TASP1: variants seen among roughly 807,000 people sequenced by gnomAD.
TASP1 encodes threonine aspartase 1.
Under a neutral mutation model 56.6 loss-of-function variants are expected in TASP1, and 16 were observed. The ratio of observed to expected loss-of-function variants is 0.28; its 90% CI spans 0.19 to 0.43. The LOEUF is 0.43. TASP1 is among the 20% of genes least tolerant of loss of function. The pLI is 1.00. For synonymous variants in TASP1, 179 were observed against 184.2 expected, an observed-to-expected ratio of 0.97 and a Z score of 0.23; for missense variants, 393 against 511.6, an observed-to-expected ratio of 0.77 and a Z score of 2.24.
chr20:13,629,852 A>C, intron 2 of TASP1, 82 bp downstream of exon 2: 1 of 1,589,698 alleles, frequency 6.3e-7, no homozygotes, highest in Admixed American at 1.8e-5. Context: ...TCCAAGTGTG[A>C]AATGTGATTC....
chr20:13,286,728 A>G, the TASP1 span, among the ~76,000 whole-genome samples: 2 of 152,196 alleles, frequency 1.3e-5, no homozygotes, highest in Non-Finnish European at 2.9e-5. Context: ...TGCCTGAGGC[A>G]TGTTCAGAGT....
chr20:13,498,681 CAACA>C (rs764548502), intron 10 of TASP1, among the ~76,000 whole-genome samples: 2 of 143,608 alleles, frequency 1.4e-5, no homozygotes, highest in Non-Finnish European at 3.1e-5. Flanking sequence ...TACAAATGGC[CAACA>C]AACATACCAA....
At chr20:13,552,328 T>A (rs1402458299) in intron 8 of TASP1, among the ~76,000 whole-genome samples, 3 of 152,042 alleles carry the variant, frequency 2.0e-5, no homozygotes, top group Admixed American at 1.3e-4. Context: ...AGACAGCAGG[T>A]GGAAACGTTG....
chr20:13,499,169 T>C (rs1242336775), intron 10 of TASP1, among the ~76,000 whole-genome samples: 2 of 151,992 alleles, frequency 1.3e-5, no homozygotes, highest in Non-Finnish European at 2.9e-5. Flanking sequence ...GCAACATAAA[T>C]GTAGGTGGAA....
chr20:13,174,790 G>T, the TASP1 span, among the ~76,000 whole-genome samples: 1 of 151,930 alleles, frequency 6.6e-6, no homozygotes, highest in Non-Finnish European at 1.5e-5. Context: ...AAATGTACAG[G>T]TCTCTTTGAT....
chr20:13,272,313 C>A, the TASP1 span, among the ~76,000 whole-genome samples: 2 of 152,218 alleles, frequency 1.3e-5, no homozygotes, highest in Non-Finnish European at 2.9e-5. Flanking sequence ...TTAACACCAG[C>A]ATCATGGGAG....
chr20:13,420,597 T>C (rs1422311937), intron 12 of TASP1, among the ~76,000 whole-genome samples: 1 of 152,248 alleles, frequency 6.6e-6, no homozygotes, highest in African/African-American at 2.4e-5. Context: ...AGAGAAATTA[T>C]TTCATTACTT....
intron 12 of TASP1, among the ~76,000 whole-genome samples, chr20:13,425,492 C>T (rs2042589061): frequency 6.6e-6 from 1 of 151,980 alleles, no homozygotes; most frequent in South Asian, 2.1e-4. Flanking sequence ...TTAACAACCC[C>T]CAGCTGCACT....
intron 13 of TASP1, among the ~76,000 whole-genome samples, chr20:13,405,557 T>C (rs1378956412): frequency 2.0e-5 from 3 of 152,098 alleles, no homozygotes; most frequent in African/African-American, 7.2e-5. Flanking sequence ...ATTAATTAAG[T>C]TATTTTTGAG....
chr20:13,350,955 C>T, the TASP1 span, among the ~76,000 whole-genome samples: 1 of 145,368 alleles, frequency 6.9e-6, no homozygotes, highest in East Asian at 2.0e-4. Flanking sequence ...TGCACCTTGG[C>T]TTCCAAAAGT....
the TASP1 span, among the ~76,000 whole-genome samples, chr20:13,198,021 T>C: frequency 6.6e-6 from 1 of 152,170 alleles, no homozygotes; most frequent in African/African-American, 2.4e-5. Context: ...AAACTTACCA[T>C]CTATCTTGAA....
At chr20:13,474,556 T>G (rs1204815361) in intron 11 of TASP1, among the ~76,000 whole-genome samples, 1 of 152,212 alleles carries the variant, frequency 6.6e-6, no homozygotes, top group Admixed American at 6.5e-5. Flanking sequence ...TAAGGTTGGT[T>G]CCATATGTTT....
At chr20:13,286,170 T>C in the TASP1 span, among the ~76,000 whole-genome samples, 4 of 152,196 alleles carry the variant, frequency 2.6e-5, no homozygotes, top group Admixed American at 6.5e-5. Flanking sequence ...GCCTCGGTGG[T>C]GTGTGCAGGA....
At chr20:13,214,546 C>CAGAGAGAG in the TASP1 span, among the ~76,000 whole-genome samples, 1 of 133,706 alleles carries the variant, frequency 7.5e-6, no homozygotes, top group Non-Finnish European at 1.6e-5. Flanking sequence ...CACACACACA[C>CAGAGAGAG]ACACACACAC....
intron 5 of TASP1, among the ~76,000 whole-genome samples, chr20:13,582,936 G>A (rs1261054184): frequency 6.6e-6 from 1 of 152,186 alleles, no homozygotes; most frequent in East Asian, 1.9e-4. Flanking sequence ...GGAAAGTGTT[G>A]TCTTGCGCAC....
chr20:13,263,359 C>G, the TASP1 span, among the ~76,000 whole-genome samples: 2 of 152,094 alleles, frequency 1.3e-5, no homozygotes, highest in East Asian at 3.9e-4. Flanking sequence ...GCTTCCACTC[C>G]TAGGATCGTG....
At chr20:13,509,826 C>T (rs2044262019) in intron 10 of TASP1, among the ~76,000 whole-genome samples, 1 of 152,106 alleles carries the variant, frequency 6.6e-6, no homozygotes, top group Admixed American at 6.6e-5. Flanking sequence ...CAGGGTTTCA[C>T]CATATTGGAC....
chr20:13,540,126 C>G (rs926551641), intron 8 of TASP1, among the ~76,000 whole-genome samples: 1 of 152,070 alleles, frequency 6.6e-6, no homozygotes, highest in African/African-American at 2.4e-5. Flanking sequence ...GATTGAGAAC[C>G]TGGGATATGC....
intron 2 of TASP1, among the ~76,000 whole-genome samples, chr20:13,626,111 CAATGTATGGAAGGTTAAGA>C (rs1195588035): frequency 1.3e-5 from 2 of 152,116 alleles, no homozygotes; most frequent in Non-Finnish European, 2.9e-5. Flanking sequence ...CATAGGGGTC[CAATGTATGGAAGGTTAAGA>C]AATACACCTC....
Sources: allele counts gnomAD v4.1 joint callset (sites outside exome capture counted in the v4.1 genomes callset), GRCh38; gene constraint gnomAD v4.1.1; transcripts MANE v1.5; gene names NCBI Gene and HGNC (gene_info 2026-07-23, HGNC 2026-07-21).